Variants in KALRN observed in about 807,000 individuals in gnomAD.
KALRN encodes kalirin.
In KALRN, 70 loss-of-function variants were observed where a neutral mutation model predicts 353.7. The observed-to-expected ratio is 0.20, with a 90% confidence interval of 0.16 to 0.24. KALRN has a LOEUF of 0.24. KALRN is among the 10% of genes least tolerant of loss of function. The pLI is 1.00. For synonymous variants in KALRN, 1,391 were observed against 1,434.8 expected (o/e 0.97, Z 0.69); for missense variants, 2,791 against 3,756.7 (o/e 0.74, Z 6.72).
intron 3 of KALRN, among the ~76,000 whole-genome samples, chr3:124,245,529 G>A (rs1222510582): frequency 7.0e-6 from 1 of 143,534 alleles, no homozygotes; most frequent in African/African-American, 2.8e-5. Flanking sequence ...GGATCATACG[G>A]TAATTTTATA....
At chr3:124,693,912 G>A (rs2150594606) in intron 52 of KALRN, 81 bp downstream of exon 52, 4 of 940,350 alleles carry the variant, frequency 4.3e-6, no homozygotes, top group Non-Finnish European at 6.6e-6. Flanking sequence ...AGCACTGGCT[G>A]TAAGCAATGG....
At chr3:124,066,491 A>T (rs2042373023) in intron 1 of KALRN, among the ~76,000 whole-genome samples, 2 of 152,220 alleles carry the variant, frequency 1.3e-5, no homozygotes, top group East Asian at 1.9e-4. Context: ...AGGACTCTTT[A>T]CAAAGGTGTG....
chr3:124,281,674 C>T (rs1418717265), intron 5 of KALRN, among the ~76,000 whole-genome samples: 3 of 152,184 alleles, frequency 2.0e-5, no homozygotes, highest in Admixed American at 6.5e-5. Context: ...TTCCTGCAGC[C>T]CTTATCCATC....
intron 6 of KALRN, among the ~76,000 whole-genome samples, chr3:124,309,371 A>G (rs904572767): frequency 6.6e-6 from 1 of 152,166 alleles, no homozygotes; most frequent in Non-Finnish European, 1.5e-5. Context: ...ATAAATATGG[A>G]TGCAAAGATT....
At chr3:124,193,222 T>C (rs925625718) in intron 1 of KALRN, among the ~76,000 whole-genome samples, 7 of 152,278 alleles carry the variant, frequency 4.6e-5, no homozygotes, top group Admixed American at 6.5e-5. Flanking sequence ...CGGAAAGCCC[T>C]GTTGGGAGAT....
At chr3:124,586,783 C>G (rs2075236075) in intron 34 of KALRN, among the ~76,000 whole-genome samples, 1 of 152,120 alleles carries the variant, frequency 6.6e-6, no homozygotes, top group Non-Finnish European at 1.5e-5. Flanking sequence ...TCCTCACTCC[C>G]CTAGATCTGA....
chr3:124,671,751 G>A lies in KALRN; in HGVS notation c.6795G>A (p.Arg2265=), dbSNP rs1345487673. ...QPARLPQASP[R]PYSSVPAGSE... ...CCAGGCTTCCCCAAGCCAGCCCCAG[G>A]CCCTACTCCTCTGTTCCTGCGGGCT... The change falls in exon 48 of 60, where the codon AGG becomes AGA. Residue 2265 remains arginine (R), a synonymous_variant. Transcript: ENST00000682506. 6 of 1,613,984 alleles carry A rather than the reference G, an allele frequency of 3.7e-6. No homozygotes were observed. The highest frequency in any genetic ancestry group is 4.2e-6 in the Non-Finnish European group (5 of 1,180,002).
chr3:124,219,179 T>C (rs1245270068), intron 1 of KALRN, among the ~76,000 whole-genome samples: 1 of 152,230 alleles, frequency 6.6e-6, no homozygotes, highest in Admixed American at 6.5e-5. Flanking sequence ...TACCAAGCAC[T>C]AAAGTCATTG....
At chr3:124,623,399 T>TACACACACGCACACACACACAC (rs2079531539) in intron 34 of KALRN, among the ~76,000 whole-genome samples, 1 of 136,444 alleles carries the variant, frequency 7.3e-6, no homozygotes, top group Non-Finnish European at 1.6e-5. Context: ...TATTTATTTA[T>TACACACACGCACACACACACAC]ACACACACAC....
At chr3:124,657,832 A>T (rs1559784981) in intron 41 of KALRN, 29 bp downstream of exon 41, 3 of 1,415,636 alleles carry the variant, frequency 2.1e-6, no homozygotes, top group Non-Finnish European at 3.0e-6. Context: ...CTCCTCCCCA[A>T]CTCCTTCACT....
At chr3:124,431,364 T>C (rs1182321356) in intron 16 of KALRN, among the ~76,000 whole-genome samples, 2 of 152,206 alleles carry the variant, frequency 1.3e-5, no homozygotes. Context: ...CAGAAGAAGC[T>C]TATCAACAGG....
intron 1 of KALRN, among the ~76,000 whole-genome samples, chr3:124,046,307 G>A (rs1164896904): frequency 2.0e-5 from 3 of 152,154 alleles, no homozygotes; most frequent in East Asian, 1.9e-4. Context: ...GAAAGAATGA[G>A]ATTTCTGGGC....
chr3:124,692,105 C>T (rs1406227181), intron 51 of KALRN, among the ~76,000 whole-genome samples: 1 of 152,228 alleles, frequency 6.6e-6, no homozygotes, highest in Non-Finnish European at 1.5e-5. Flanking sequence ...TCCCAATGCC[C>T]AGGCCCCACC....
chr3:124,340,100 G>A (rs557458630), intron 9 of KALRN, among the ~76,000 whole-genome samples: 1 of 152,290 alleles, frequency 6.6e-6, no homozygotes, highest in South Asian at 2.1e-4. Context: ...TGTTTACATA[G>A]AGCTTACAGT....
At position 124,442,030 on chromosome 3, in the gene KALRN, A is replaced by T. The variant is rs1373231312; in HGVS notation, c.3284A>T (p.His1095Leu). Reference protein sequence around the residue: ...NNVSMPSVASHTRGPEQQVKA... With the variant: ...NNVSMPSVASLTRGPEQQVKA... ...GTCAGCATGCCCAGTGTCGCCAGCC[A>T]CACTCGGGGACCCGAGCAACAAGTG... Residue 1095 changes from histidine to leucine, a missense_variant, in exon 19 of 60, where the codon CAC becomes CTC. Around this residue, in one of 11 missense-constraint regions of KALRN, gnomAD observed 268 missense variants for 347.0 expected, o/e 0.77. Transcript: ENST00000682506. 1 of 1,605,770 alleles carries T rather than the reference A, an allele frequency of 6.2e-7. No individual in the cohort carries two copies. Among genetic ancestry groups the T allele is most frequent in the Non-Finnish European group, 8.5e-7 (1 of 1,174,162 alleles).
chr3:124,289,957 A>G (rs777380492), intron 5 of KALRN, among the ~76,000 whole-genome samples: 3 of 152,182 alleles, frequency 2.0e-5, no homozygotes, highest in African/African-American at 4.8e-5. Context: ...GCTGAGGTCC[A>G]TGTTTAGATT....
chr3:124,155,613 GA>G (rs2068864768), intron 1 of KALRN, among the ~76,000 whole-genome samples: 1 of 152,190 alleles, frequency 6.6e-6, no homozygotes, highest in African/African-American at 2.4e-5. Flanking sequence ...AGACAGTTAA[GA>G]AACCATCCTC....
intron 33 of KALRN, among the ~76,000 whole-genome samples, chr3:124,546,172 T>C (rs2069620523): frequency 1.3e-5 from 2 of 151,364 alleles, no homozygotes; most frequent in African/African-American, 4.9e-5. Context: ...GCTTAGTGAT[T>C]AAAAGGCAGT....
intron 47 of KALRN, among the ~76,000 whole-genome samples, chr3:124,669,962 TC>T (rs2086185132): frequency 2.2e-5 from 3 of 136,748 alleles, no homozygotes; most frequent in South Asian, 2.2e-4. Context: ...CCATATATTT[TC>T]TTTTTTTTTT....
Sources: allele counts gnomAD v4.1 joint callset (sites outside exome capture counted in the v4.1 genomes callset), GRCh38; gene constraint gnomAD v4.1.1; regional missense constraint gnomAD v4.1.1; transcripts MANE v1.5; gene names NCBI Gene and HGNC (gene_info 2026-07-23, HGNC 2026-07-21).